The following GAPDHS variants were observed in gnomAD, a reference collection of about 807,000 sequenced individuals.
GAPDHS encodes the protein glyceraldehyde-3-phosphate dehydrogenase, spermatogenic.
Under a neutral mutation model 48.7 loss-of-function variants are expected in GAPDHS, and 42 were observed. The ratio of observed to expected loss-of-function variants is 0.86; its 90% confidence interval spans 0.67 to 1.12. The LOEUF is 1.12. Ranked by LOEUF, GAPDHS falls within the 50% of genes most tolerant of loss-of-function variation. The pLI, the probability that GAPDHS is intolerant of heterozygous loss-of-function variation, is 0.00. For synonymous variants in GAPDHS, 166 were observed against 219.1 expected (o/e 0.76, Z 2.14); for missense variants, 512 against 557.7 (o/e 0.92, Z 0.82).
chr19:35,545,242 T>C lies in GAPDHS; in HGVS notation c.*72T>C. The C allele has an allele frequency of 7.6e-7, 1 of 1,313,272 alleles. No individual in the cohort carries two copies. Among genetic ancestry groups the C allele is most frequent in the Non-Finnish European group, 1.1e-6 (1 of 907,324 alleles). The allele number at this position is 1,313,272 out of a possible 1,614,324, so 81.4% of individuals were successfully genotyped here. On this transcript the variant is annotated 3_prime_UTR_variant, in exon 11 of 11. Coordinates refer to ENST00000222286, the MANE Select transcript of GAPDHS (RefSeq NM_014364.5). ...TGTGCCTCCCGTTCCAGCATCTGGCTGCCCGGGGGAGGAAGGACACCCGGG... is the reference window on the plus strand; with the variant it reads ...TGTGCCTCCCGTTCCAGCATCTGGCCGCCCGGGGGAGGAAGGACACCCGGG...
chr19:35,540,105 C>T (rs903041788), intron 4 of GAPDHS, among the ~76,000 whole-genome samples: 2 of 152,218 alleles, frequency 1.3e-5, no homozygotes, highest in Non-Finnish European at 2.9e-5. Flanking sequence ...CTCAGTTCCC[C>T]GCTGTATCTG....
At chr19:35,537,725 ATTGTT>A (rs1165117671) in intron 2 of GAPDHS, among the ~76,000 whole-genome samples, 4 of 152,076 alleles carry the variant, frequency 2.6e-5, no homozygotes, top group African/African-American at 9.7e-5. Context: ...ACAGAAAAAA[ATTGTT>A]TTAATTGTTT....
intron 4 of GAPDHS, 41 bp from the exon 5 acceptor site, chr19:35,542,278 C>A: frequency 7.4e-7 from 1 of 1,359,916 alleles, no homozygotes; most frequent in South Asian, 1.2e-5. Flanking sequence ...AGGTGGGGCT[C>A]AAGCAGGGGA....
In GAPDHS at chr19:35,536,879, C is replaced by T. The variant is rs1428920446; in HGVS notation, c.134C>T (p.Thr45Ile). The T allele has an allele frequency of 6.2e-7, 1 of 1,613,944 alleles. No individual in the cohort carries two copies. The highest frequency in any genetic ancestry group is 1.3e-5 in the African/African-American group (1 of 74,906). The part of the protein sequence containing the change: ...EVEPQPQPEP[T>I]PVREEIKPPP... ...GAGCCCCAGCCACAACCAGAGCCCA[C>T]ACCAGTCAGGGAGGAAATAAAGCCA... Residue 45 changes from threonine to isoleucine, a missense_variant, in exon 2 of 11, where the codon ACA (threonine) becomes ATA (isoleucine). Transcript: ENST00000222286.
chr19:35,534,596 GGA>G (rs1313435084), intron 1 of GAPDHS, among the ~76,000 whole-genome samples: 1 of 152,060 alleles, frequency 6.6e-6, no homozygotes, highest in Non-Finnish European at 1.5e-5. Context: ...GGGAGTGCTG[GGA>G]GAGGAGGACC....
intron 9 of GAPDHS, 175 bp downstream of exon 9, chr19:35,544,002 G>A: frequency 1.6e-6 from 2 of 1,232,724 alleles, no homozygotes; most frequent in South Asian, 1.7e-5. Flanking sequence ...TGCTTCCCTT[G>A]CCAGGTGACC....
At chr19:35,535,685 C>G (rs1051686311) in intron 1 of GAPDHS, among the ~76,000 whole-genome samples, 10 of 152,078 alleles carry the variant, frequency 6.6e-5, no homozygotes, top group Non-Finnish European at 1.3e-4. Flanking sequence ...CCGCTCCCGG[C>G]CTGGAGTGCT....
chr19:35,533,657 C>T (rs897121307), intron 1 of GAPDHS, 63 bp downstream of exon 1: 1 of 1,271,798 alleles, frequency 7.9e-7, no homozygotes, highest in Non-Finnish European at 1.1e-6. Flanking sequence ...CGTCTGCACC[C>T]TCACACCTGT....
chr19:35,545,288 G>A lies in GAPDHS; in HGVS notation c.*118G>A, dbSNP rs2071539294. On this transcript the variant is annotated 3_prime_UTR_variant, in exon 11 of 11. Transcript: ENST00000222286. ...CCGGGGCGGGCGCCCCACGCCGATG[G>A]GTCCATGGTGAAATAAAAAACAGTG... 10 of 793,126 alleles carry A rather than the reference G, an allele frequency of 1.3e-5. No individual in the cohort carries two copies. In the East Asian group the frequency reaches 2.3e-4, roughly 18 times the overall value. 49.1% of individuals were successfully genotyped at this position (793,126 alleles called of 1,614,324 possible).
intron 1 of GAPDHS, among the ~76,000 whole-genome samples, chr19:35,534,879 G>A (rs575472398): frequency 8.6e-5 from 13 of 151,198 alleles, no homozygotes; most frequent in African/African-American, 2.9e-4. Context: ...CACCCCCCAG[G>A]TGCCTTTGAT....
intron 4 of GAPDHS, 59 bp from the exon 5 acceptor site, chr19:35,542,260 G>A (rs2071508520): frequency 8.6e-7 from 1 of 1,162,932 alleles, no homozygotes; most frequent in Non-Finnish European, 1.3e-6. Flanking sequence ...GAAAGCCATG[G>A]ACTATGAAGG....
chr19:35,536,229 C>T (rs1192068980), intron 1 of GAPDHS, among the ~76,000 whole-genome samples: 2 of 152,102 alleles, frequency 1.3e-5, no homozygotes, highest in East Asian at 3.9e-4. Context: ...ATTATCTCCC[C>T]TTACAGAGGA....
chr19:35,543,519 G>A (rs775275255), intron 8 of GAPDHS, 28 bp downstream of exon 8: 19 of 1,589,390 alleles, frequency 1.2e-5, no homozygotes, highest in Non-Finnish European at 1.5e-5. Context: ...TGCAACCAGG[G>A]TGGGGGCATA....
intron 10 of GAPDHS, 25 bp from the exon 11 acceptor site, chr19:35,545,073 G>A: frequency 1.2e-6 from 2 of 1,611,994 alleles, no homozygotes; most frequent in Non-Finnish European, 1.7e-6. Context: ...GAACCCCCTT[G>A]AACCTCCCGA....
intron 4 of GAPDHS, among the ~76,000 whole-genome samples, chr19:35,539,397 C>G (rs2071486907): frequency 6.6e-6 from 1 of 152,178 alleles, no homozygotes; most frequent in Non-Finnish European, 1.5e-5. Context: ...ACCAGTGTTT[C>G]AGTTTTACTT....
chr19:35,541,032 C>A (rs1462448059), intron 4 of GAPDHS: 1 of 152,222 alleles, frequency 6.6e-6, no homozygotes, highest in Non-Finnish European at 1.5e-5. Flanking sequence ...GTAACCCCAA[C>A]TACTCGGGAG....
chr19:35,543,085 C>T (rs908088126), intron 7 of GAPDHS, 59 bp downstream of exon 7: 14 of 1,327,282 alleles, frequency 1.1e-5, no homozygotes, highest in East Asian at 6.9e-5. Context: ...AACTTCTTCC[C>T]GGGCCTTGCT....
chr19:35,537,200 C>T (rs960093287), intron 2 of GAPDHS, among the ~76,000 whole-genome samples: 3 of 152,152 alleles, frequency 2.0e-5, no homozygotes, highest in African/African-American at 4.8e-5. Context: ...TTAGATTGTT[C>T]AGTAGAGTGT....
intron 9 of GAPDHS, 27 bp downstream of exon 9, chr19:35,543,854 G>A (rs750135336): frequency 6.4e-7 from 1 of 1,570,066 alleles, no homozygotes; most frequent in East Asian, 2.3e-5. Context: ...GGAGACCCTG[G>A]GAGGAGCCCT....
Sources: gnomAD v4.1 joint callset for allele counts (sites outside exome capture counted in the v4.1 genomes callset) on GRCh38, gnomAD v4.1.1 for gene constraint, MANE v1.5 for transcripts, NCBI Gene and HGNC (gene_info 2026-07-23, HGNC 2026-07-21) for gene names.